The following PRMT8 variants were observed in gnomAD, a reference collection of about 807,000 sequenced individuals.
PRMT8 encodes the protein protein arginine methyltransferase 8.
PRMT8 carries 7 observed loss-of-function variants against 47.1 expected under a neutral mutation model. The ratio of observed to expected loss-of-function variants is 0.15; its 90% CI spans 0.08 to 0.28. The LOEUF is 0.28. Among genes scored for constraint, PRMT8 ranks in the 10% least tolerant of loss-of-function variants. The pLI, the probability that PRMT8 is intolerant of heterozygous loss-of-function variation, is 1.00. For missense variants in PRMT8, 237 were observed against 505.4 expected, an observed-to-expected ratio of 0.47 and a Z score of 5.09; for synonymous variants, 188 against 186.5, an observed-to-expected ratio of 1.01 and a Z score of -0.07.
intron 1 of PRMT8, among the ~76,000 whole-genome samples, chr12:3,407,343 T>G (rs1180219817): frequency 1.3e-5 from 2 of 150,534 alleles, no homozygotes; most frequent in South Asian, 2.1e-4. Context: ...TTATTGGGTA[T>G]AGCATTCTAG....
chr12:3,432,897 T>G (rs915411681), intron 1 of PRMT8, among the ~76,000 whole-genome samples: 2 of 152,122 alleles, frequency 1.3e-5, no homozygotes, highest in Non-Finnish European at 2.9e-5. Flanking sequence ...AATCAACAGG[T>G]GAAAGGGATC....
intron 4 of PRMT8, among the ~76,000 whole-genome samples, chr12:3,558,894 A>C (rs924002144): frequency 9.9e-5 from 15 of 152,046 alleles, no homozygotes; most frequent in African/African-American, 3.6e-4. Flanking sequence ...TTTCTGGGGG[A>C]GGTACTTTGA....
rs940575422 is a variant in PRMT8 at position 3,420,796 on chromosome 12, G to C, written c.48+39354G>C. ...TGTGCTCTTTAGCTGACCAGAGTCC[G>C]TTTCTGTGGATAGATGAAATCGAGT... On this transcript the variant is annotated intron_variant, in intron 1 of 9. Coordinates refer to the PRMT8 transcript ENST00000452611. 2.0e-5 allele frequency among the ~76,000 whole-genome samples: 3 copies of C among 152,312 alleles called. No individual in the cohort carries two copies. In the East Asian group the frequency reaches 5.8e-4, roughly 29 times the overall value.
At chr12:3,562,212 C>G (rs1359078911) in intron 4 of PRMT8, among the ~76,000 whole-genome samples, 1 of 152,036 alleles carries the variant, frequency 6.6e-6, no homozygotes, top group African/African-American at 2.4e-5. Flanking sequence ...GAAATGAGAC[C>G]AATCATATGT....
At chr12:3,401,135 G>A (rs60171989) in intron 1 of PRMT8, among the ~76,000 whole-genome samples, 5,485 of 85,656 alleles carry the variant, frequency 0.064, 377 homozygotes, top group African/African-American at 0.21. Context: ...CAACAAGAGC[G>A]AAACTCCATC....
intron 3 of PRMT8, chr12:3,553,418 G>A (rs535816733): frequency 2.0e-5 from 12 of 593,248 alleles, no homozygotes; most frequent in South Asian, 1.0e-4. Context: ...CCTCCATCAC[G>A]GGTGGTGACT....
At chr12:3,542,422 G>A (rs1476937345) in intron 2 of PRMT8, among the ~76,000 whole-genome samples, 2 of 152,172 alleles carry the variant, frequency 1.3e-5, no homozygotes, top group South Asian at 2.1e-4. Context: ...GATTCCTGGA[G>A]CCCCATCCTT....
intron 1 of PRMT8, among the ~76,000 whole-genome samples, chr12:3,424,084 T>G (rs975933885): frequency 5.3e-5 from 8 of 152,274 alleles, no homozygotes; most frequent in Admixed American, 3.9e-4. Context: ...CAAAACAAAT[T>G]TCTTATTTTT....
At chr12:3,496,322 G>A (rs1446360792) in intron 1 of PRMT8, among the ~76,000 whole-genome samples, 1 of 145,832 alleles carries the variant, frequency 6.9e-6, no homozygotes, top group African/African-American at 2.5e-5. Flanking sequence ...AATGAGATTA[G>A]GGGTTGCAGT....
chr12:3,592,150 A>C, intron 8 of PRMT8, 81 bp from the exon 9 acceptor site: 1 of 1,450,614 alleles, frequency 6.9e-7, no homozygotes, highest in Non-Finnish European at 9.1e-7. Flanking sequence ...AGCAACTTCT[A>C]TGCAGGGTCC....
chr12:3,451,047 C>G lies in PRMT8; in HGVS notation c.48+69605C>G, dbSNP rs1440448417. Among the ~76,000 whole-genome samples, 4 of 57,562 alleles carry G rather than the reference C, an allele frequency of 6.9e-5. 1 individual carries two copies. The highest frequency in any genetic ancestry group is 2.0e-4 in the Non-Finnish European group (4 of 20,146). The allele number at this position is 57,562 out of a possible 152,430, so 37.8% of individuals were successfully genotyped here. A position where few individuals can be genotyped will look rare whatever the true frequency, so the allele number is the denominator to read the frequency against. ...ATCTTGCTGACACCCCCCCCCCCCC[C>G]CCCCCCCCGCCGAAAGGTTTTGGGA... On this transcript the variant is annotated intron_variant, in intron 1 of 9. Transcript: ENST00000452611.
At chr12:3,399,418 C>T (rs1232973063) in intron 1 of PRMT8, among the ~76,000 whole-genome samples, 2 of 152,134 alleles carry the variant, frequency 1.3e-5, no homozygotes, top group Admixed American at 1.3e-4. Context: ...GAAACTTCTA[C>T]CAGTATCCCC....
rs1054769352 is a variant in PRMT8 at position 3,435,720 on chromosome 12, C to T, written c.48+54278C>T. The stretch of plus-strand genomic sequence containing the variant: ...TATTTTTAGCAGACACAGGGTTTCA[C>T]CATCTTAGCCAGGATGGTCTCGATC... On this transcript the variant is annotated intron_variant, in intron 1 of 9. Coordinates refer to the PRMT8 transcript ENST00000452611. Among the ~76,000 whole-genome samples the T allele has an allele frequency of 3.9e-5, 6 of 152,028 alleles. No individual in the cohort carries two copies. In the East Asian group the frequency reaches 7.8e-4, roughly 20 times the overall value.
intron 1 of PRMT8, among the ~76,000 whole-genome samples, chr12:3,385,158 T>C (rs1174491711): frequency 6.6e-6 from 1 of 152,242 alleles, no homozygotes; most frequent in African/African-American, 2.4e-5. Context: ...TGAGACACAG[T>C]GTGCTAATTG....
At chr12:3,434,280 C>T (rs1171869775) in intron 1 of PRMT8, among the ~76,000 whole-genome samples, 1 of 152,080 alleles carries the variant, frequency 6.6e-6, no homozygotes, top group Non-Finnish European at 1.5e-5. Context: ...GCATTGAGCT[C>T]GTTTTTCTGA....
At chr12:3,397,146 C>T (rs1864258111) in intron 1 of PRMT8, among the ~76,000 whole-genome samples, 1 of 151,690 alleles carries the variant, frequency 6.6e-6, no homozygotes, top group African/African-American at 2.4e-5. Flanking sequence ...AACTTCTTTG[C>T]CTTTGGTTTG....
At position 3,569,531 on chromosome 12, in the gene PRMT8, G is replaced by A. The variant is rs866660402; in HGVS notation, c.679G>A (p.Glu227Lys). The A allele has an allele frequency of 6.2e-7, 1 of 1,614,202 alleles. No individual in the cohort carries two copies. The change falls in exon 6 of 10, where the codon GAA becomes AAA. Residue 227 changes from glutamate to lysine, a missense_variant. Physicochemically the swap from Glu to Lys is moderately conservative, Grantham distance 56 (BLOSUM62 1). Transcript: ENST00000382622. The surrounding 1 kb of genome is among the most constrained non-coding windows in gnomAD (Gnocchi z 8.2). The stretch of plus-strand genomic sequence containing the variant: ...GGCAGCTTTGTACGTGGTAGCGATT[G>A]AAGACAGACAGTACAAGGACTTCAA... ...DRAALYVVAI[E>K]DRQYKDFKIH... is the part of the protein sequence containing the mutation.
chr12:3,454,050 G>T (rs1414527353), intron 1 of PRMT8, among the ~76,000 whole-genome samples: 1 of 152,206 alleles, frequency 6.6e-6, no homozygotes, highest in East Asian at 1.9e-4. Context: ...GCCTAGCCCA[G>T]CCTCTAGAGA....
At position 3,493,640 on chromosome 12, in the gene PRMT8, C is replaced by T. The variant is rs1274877943; in HGVS notation, c.75+1940C>T. On this transcript the variant is annotated intron_variant, in intron 1 of 9. Transcript: ENST00000382622. This position sits in a 1 kb window ranked among gnomAD's most constrained non-coding sequence, Gnocchi z 8.2. ...CAGCCTCGGCGAGGGTTAAAGGCGT[C>T]CGGAGCAGGCAGAGCGCCGCGCGCC... Among the ~76,000 whole-genome samples, 1 of 152,248 alleles carries T rather than the reference C, an allele frequency of 6.6e-6. No homozygotes were observed. Among genetic ancestry groups the T allele is most frequent in the African/African-American group, 2.4e-5 (1 of 41,464 alleles).
Sources: gnomAD v4.1 joint callset for allele counts (sites outside exome capture counted in the v4.1 genomes callset) on GRCh38, gnomAD v4.1.1 for gene constraint, Gnocchi (gnomAD v3.1) non-coding constraint, MANE v1.5 for transcripts, NCBI Gene and HGNC (gene_info 2026-07-23, HGNC 2026-07-21) for gene names.